Variants in PRKDC observed in about 807,000 individuals in gnomAD.
The protein encoded by PRKDC is DNA-dependent protein kinase catalytic subunit.
PRKDC carries 82 observed loss-of-function variants against 486.9 expected under a neutral mutation model. That is an observed-to-expected ratio of 0.17 (90% CI 0.14 to 0.20). The LOEUF (loss-of-function observed/expected upper bound fraction) is 0.20. PRKDC is among the 10% of genes least tolerant of loss of function. The pLI is 1.00. For missense variants in PRKDC, 4,504 were observed against 5,038.2 expected (o/e 0.89, Z 3.21); for synonymous variants, 1,895 against 1,837.0 (o/e 1.03, Z -0.81).
At position 47,782,371 on chromosome 8, in the gene PRKDC, C is replaced by A. The variant is rs1327209644; in HGVS notation, c.11396+7G>T. ...AGCCTACTGGCTGGGAGCAGCCTGG[C>A]AGTTACCTGGAGGTCATGGGCACAA... is the stretch of plus-strand genomic sequence containing the variant. On this transcript the variant is annotated splice_region_variant and intron_variant, in intron 79 of 85. Coordinates refer to ENST00000314191, the MANE Select transcript of PRKDC (RefSeq NM_006904.7). This position sits in a 1 kb window ranked among gnomAD's most constrained non-coding sequence, Gnocchi z 4.9. 15 of 1,606,554 alleles carry A rather than the reference C, an allele frequency of 9.3e-6. No homozygotes were observed. The highest frequency in any genetic ancestry group is 1.3e-5 in the Non-Finnish European group (15 of 1,176,578).
intron 21 of PRKDC, among the ~76,000 whole-genome samples, chr8:47,926,307 G>A (rs2090156184): frequency 6.6e-6 from 1 of 152,048 alleles, no homozygotes; most frequent in Admixed American, 6.6e-5. Flanking sequence ...CTTTCTTCAT[G>A]AACTCTGCAT....
intron 7 of PRKDC, among the ~76,000 whole-genome samples, chr8:47,950,405 C>G (rs1454822165): frequency 3.3e-5 from 5 of 151,984 alleles, no homozygotes; most frequent in Non-Finnish European, 5.9e-5. Flanking sequence ...CCGGGCAGAT[C>G]ACGAGGTGAG....
chr8:47,853,519 C>G (rs1043712654), intron 51 of PRKDC, among the ~76,000 whole-genome samples: 1 of 152,114 alleles, frequency 6.6e-6, no homozygotes, highest in Non-Finnish European at 1.5e-5. Context: ...TATGATGTCC[C>G]GGAACCATCT....
chr8:47,958,015 G>A (rs2090736651), intron 1 of PRKDC, among the ~76,000 whole-genome samples: 1 of 152,192 alleles, frequency 6.6e-6, no homozygotes, highest in African/African-American at 2.4e-5. Flanking sequence ...AGGAAATTGA[G>A]CTTGCAGATG....
chr8:47,929,496 C>A (rs768352354), intron 18 of PRKDC, among the ~76,000 whole-genome samples: 2 of 152,222 alleles, frequency 1.3e-5, no homozygotes, highest in African/African-American at 2.4e-5. Context: ...CAGTTGTTCT[C>A]AAACTTCACT....
intron 68 of PRKDC, among the ~76,000 whole-genome samples, chr8:47,809,863 G>A (rs2154498563): frequency 6.6e-6 from 1 of 152,280 alleles, no homozygotes; most frequent in South Asian, 2.1e-4. Context: ...TTTCCTCTCT[G>A]TCTTACTCTC....
rs1247187706 is a variant in PRKDC at position 47,898,551 on chromosome 8, C to G, written c.3383G>C (p.Cys1128Ser). Reference protein sequence around the residue: ...EKSLGTIQQCCDAIDHLCRII... With the variant: ...EKSLGTIQQCSDAIDHLCRII... ...GCGGCATAGGTGATCAATGGCATCA[C>G]AACACTGTTGAATTGTACCTGTTCT... Residue 1128 changes from cysteine to serine, a missense_variant, in exon 29 of 86, where the codon TGT becomes TCT. By Grantham distance (112) the Cys-to-Ser change is moderately radical (BLOSUM62 -1). Coordinates refer to ENST00000314191, the MANE Select transcript of PRKDC (RefSeq NM_006904.7). 6.7e-7 allele frequency: 1 copy of G among 1,502,402 alleles called. No homozygotes were observed. Among genetic ancestry groups the G allele is most frequent in the Non-Finnish European group, 9.0e-7 (1 of 1,107,196 alleles). The allele number at this position is 1,502,402 out of a possible 1,614,324, so 93.1% of individuals were successfully genotyped here.
At chr8:47,884,213 G>A (rs2089281996) in intron 36 of PRKDC, among the ~76,000 whole-genome samples, 1 of 152,214 alleles carries the variant, frequency 6.6e-6, no homozygotes, top group Non-Finnish European at 1.5e-5. Flanking sequence ...TTCTCCTCAA[G>A]TGGGGAGGAT....
In PRKDC at chr8:47,950,623, C is replaced by CG. The variant is rs1437553946; in HGVS notation, c.721+2996dup. Among the ~76,000 whole-genome samples, 43 of 138,390 alleles carry CG rather than the reference C, an allele frequency of 3.1e-4. No homozygotes were observed. In the South Asian group the frequency reaches 9.6e-3, roughly 31 times the overall value. 90.8% of individuals were successfully genotyped at this position (138,390 alleles called of 152,430 possible). ...CAGCCTGGGCGACAGAGCAAGACTC[C>CG]GGAAAAAAAAAAAAAAAAAAGATTA... On this transcript the variant is annotated intron_variant, in intron 7 of 85. Transcript: ENST00000314191.
intron 61 of PRKDC, among the ~76,000 whole-genome samples, chr8:47,829,056 G>A (rs1016950326): frequency 6.6e-6 from 1 of 152,150 alleles, no homozygotes; most frequent in African/African-American, 2.4e-5. Flanking sequence ...GCTAAATGGA[G>A]GCATGAAAGC....
intron 22 of PRKDC, among the ~76,000 whole-genome samples, chr8:47,917,257 A>T (rs1334332906): frequency 5.3e-5 from 8 of 152,186 alleles, no homozygotes. Context: ...CCTGCCTCAA[A>T]AAAAAATTAA....
chr8:47,874,390 T>A, intron 40 of PRKDC, among the ~76,000 whole-genome samples: 1 of 152,202 alleles, frequency 6.6e-6, no homozygotes, highest in Non-Finnish European at 1.5e-5. Context: ...TTATTACACA[T>A]TATACACATG....
chr8:47,821,056 A>G (rs1341911750), intron 65 of PRKDC, 113 bp from the exon 66 acceptor site: 22 of 639,956 alleles, frequency 3.4e-5, no homozygotes, highest in Non-Finnish European at 5.2e-5. Context: ...ATTTAAAGTC[A>G]AAGCGATGAT....
chr8:47,805,188 T>C (rs1371356277), intron 69 of PRKDC: 1 of 152,190 alleles, frequency 6.6e-6, no homozygotes, highest in Non-Finnish European at 1.5e-5. Context: ...CCTCTACGTT[T>C]AACTTTTTGA....
At chr8:47,847,743 A>C (rs1000817088) in intron 54 of PRKDC, among the ~76,000 whole-genome samples, 7 of 152,112 alleles carry the variant, frequency 4.6e-5, no homozygotes, top group Non-Finnish European at 1.0e-4. Flanking sequence ...AAATAGTCAC[A>C]AACTATGCAC....
Position 47,935,803 on chromosome 8 carries a change from C to G in PRKDC, c.1376G>C (p.Arg459Thr), listed in dbSNP as rs995729522. The change falls in exon 13 of 86, where the codon AGA becomes ACA. Residue 459 changes from arginine to threonine, a missense_variant. By Grantham distance (71) the Arg-to-Thr change is moderately conservative (BLOSUM62 -1). Transcript: ENST00000314191. ...YSPKMQLVCC[R>T]AIVKVFLALA... ...AGCTAGGAACACCTTCACTATGGCTCTGCAACACACCAGCTGCATTTTTGG... is the reference window on the plus strand; with the variant it reads ...AGCTAGGAACACCTTCACTATGGCTGTGCAACACACCAGCTGCATTTTTGG... 1 of 1,613,864 alleles carries G rather than the reference C, an allele frequency of 6.2e-7. No homozygotes were observed. Among genetic ancestry groups the G allele is most frequent in the Admixed American group, 1.7e-5 (1 of 60,004 alleles).
intron 26 of PRKDC, among the ~76,000 whole-genome samples, chr8:47,903,619 C>T (rs1005693250): frequency 5.9e-5 from 9 of 152,172 alleles, no homozygotes; most frequent in African/African-American, 1.9e-4. Context: ...AGGAAACCCA[C>T]GGCCCTCCTT....
At chr8:47,899,690 A>G (rs533462329) in intron 28 of PRKDC, among the ~76,000 whole-genome samples, 107 of 152,300 alleles carry the variant, frequency 7.0e-4, no homozygotes, top group Non-Finnish European at 1.4e-3. Flanking sequence ...CGTATCAGTG[A>G]TAAACTCCTG....
intron 7 of PRKDC, among the ~76,000 whole-genome samples, chr8:47,944,840 G>C (rs2090504483): frequency 6.6e-6 from 1 of 152,188 alleles, no homozygotes; most frequent in South Asian, 2.1e-4. Context: ...GATGTGATAG[G>C]AGGTGGAGAG....
Sources: gnomAD v4.1 joint callset for allele counts (sites outside exome capture counted in the v4.1 genomes callset) on GRCh38, gnomAD v4.1.1 for gene constraint, Gnocchi (gnomAD v3.1) non-coding constraint, MANE v1.5 for transcripts, NCBI Gene and HGNC (gene_info 2026-07-23, HGNC 2026-07-21) for gene names.